Variants in STXBP4 observed in about 807,000 individuals in gnomAD.
The protein encoded by STXBP4 is syntaxin binding protein 4.
A neutral mutation model predicts 76.1 loss-of-function variants in STXBP4; 55 were observed. The ratio of observed to expected loss-of-function variants is 0.72; its 90% CI spans 0.58 to 0.91. The LOEUF (loss-of-function observed/expected upper bound fraction) is 0.91. Ranked by LOEUF, STXBP4 falls within the 40% of genes least tolerant of loss-of-function variation. The pLI is 0.00. For missense variants in STXBP4, 618 were observed against 636.9 expected (o/e 0.97, Z 0.32); for synonymous variants, 201 against 220.2 (o/e 0.91, Z 0.77).
chr17:55,193,827 A>AC, the STXBP4 span, among the ~76,000 whole-genome samples: 2 of 151,170 alleles, frequency 1.3e-5, no homozygotes, highest in African/African-American at 4.9e-5. Context: ...AAAAAAAAAA[A>AC]AAAAAAACGT....
intron 17 of STXBP4, among the ~76,000 whole-genome samples, chr17:55,143,872 C>T (rs762682758): frequency 1.3e-5 from 2 of 152,000 alleles, no homozygotes; most frequent in Non-Finnish European, 2.9e-5. Flanking sequence ...CCCAAAGGGC[C>T]ATAGTAGATC....
At chr17:55,011,611 A>G (rs2078114840) in intron 8 of STXBP4, among the ~76,000 whole-genome samples, 1 of 145,902 alleles carries the variant, frequency 6.9e-6, no homozygotes, top group Admixed American at 7.2e-5. Context: ...GCATGAGTTT[A>G]TATCCCGATC....
intron 12 of STXBP4, among the ~76,000 whole-genome samples, chr17:55,051,476 G>A (rs1462222800): frequency 5.9e-5 from 9 of 152,118 alleles, no homozygotes; most frequent in African/African-American, 2.2e-4. Flanking sequence ...TGTTTTAGTG[G>A]TGGGGCAAAG....
At chr17:55,206,640 T>A in the STXBP4 span, among the ~76,000 whole-genome samples, 1 of 151,952 alleles carries the variant, frequency 6.6e-6, no homozygotes, top group African/African-American at 2.4e-5. Flanking sequence ...GTGGATCACC[T>A]GAGGTCAGGA....
chr17:55,067,265 G>A (rs1335164554), intron 12 of STXBP4, among the ~76,000 whole-genome samples: 1 of 152,092 alleles, frequency 6.6e-6, no homozygotes, highest in Non-Finnish European at 1.5e-5. Context: ...TAGCAGTTAA[G>A]AGTACTAAAT....
At chr17:55,155,184 A>G (rs887328294) in intron 17 of STXBP4, among the ~76,000 whole-genome samples, 7 of 152,160 alleles carry the variant, frequency 4.6e-5, no homozygotes, top group African/African-American at 1.7e-4. Flanking sequence ...ATATTTTAGA[A>G]TAGATACTTC....
At position 55,142,454 on chromosome 17, in the gene STXBP4, C is replaced by T. The variant is rs563398162; in HGVS notation, c.1547+1087C>T. ...ATCCAGATTTTGGATTCTCATGCCC[C>T]GCAACTTTACACAGTTCCTACATCT... On this transcript the variant is annotated intron_variant, in intron 17 of 17. Transcript: ENST00000376352. 7.2e-5 allele frequency among the ~76,000 whole-genome samples: 11 copies of T among 152,240 alleles called. No homozygotes were observed. In the South Asian group the frequency reaches 2.1e-3, roughly 29 times the overall value.
chr17:55,140,172 G>C (rs896928560), intron 16 of STXBP4, among the ~76,000 whole-genome samples: 1 of 152,002 alleles, frequency 6.6e-6, no homozygotes, highest in Non-Finnish European at 1.5e-5. Flanking sequence ...GTCAGGAATG[G>C]TGGCACGTAC....
chr17:55,012,039 A>T (rs1474091497), intron 8 of STXBP4, among the ~76,000 whole-genome samples: 1 of 152,174 alleles, frequency 6.6e-6, no homozygotes, highest in East Asian at 1.9e-4. Context: ...TTAGTCATGG[A>T]CTGCATCAGG....
At chr17:55,013,223 G>A (rs2078144171) in intron 8 of STXBP4, among the ~76,000 whole-genome samples, 1 of 152,190 alleles carries the variant, frequency 6.6e-6, no homozygotes, top group South Asian at 2.1e-4. Flanking sequence ...TTGGACCTGT[G>A]TAAGGACTCC....
At chr17:55,116,047 G>A (rs756913757) in intron 16 of STXBP4, among the ~76,000 whole-genome samples, 4 of 151,688 alleles carry the variant, frequency 2.6e-5, no homozygotes, top group African/African-American at 4.8e-5. Flanking sequence ...TCTAGGGAGC[G>A]GTGCCTTATT....
chr17:55,199,661 AAG>A, the STXBP4 span, among the ~76,000 whole-genome samples: 1 of 152,194 alleles, frequency 6.6e-6, no homozygotes, highest in Non-Finnish European at 1.5e-5. Flanking sequence ...TTATATGTTC[AAG>A]TATGTTAAGG....
chr17:55,149,636 T>C (rs748714574), intron 17 of STXBP4, among the ~76,000 whole-genome samples: 2 of 152,190 alleles, frequency 1.3e-5, no homozygotes, highest in Non-Finnish European at 2.9e-5. Context: ...AAAATGACAG[T>C]ATTTACACAA....
rs2080359892 is a variant in STXBP4, at chr17:55,164,014, G to C, written c.*4103G>C. 1 of 152,592 alleles carries C rather than the reference G, an allele frequency of 6.6e-6. No homozygotes were observed. Among genetic ancestry groups the C allele is most frequent in the Non-Finnish European group, 1.5e-5 (1 of 68,026 alleles). The allele number at this position is 152,592 out of a possible 1,614,324, so 9.5% of individuals were successfully genotyped here. On this transcript the variant is annotated 3_prime_UTR_variant, in exon 18 of 18. Transcript: ENST00000376352. ...TCTGCTAAGTGAAATGCAACTTTTT[G>C]AAGAATCAACACGCTTGACATTTTT... is the stretch of plus-strand genomic sequence containing the variant.
At chr17:55,027,073 G>T (rs2144658841) in intron 8 of STXBP4, among the ~76,000 whole-genome samples, 1 of 152,252 alleles carries the variant, frequency 6.6e-6, no homozygotes, top group African/African-American at 2.4e-5. Flanking sequence ...GCTAGATGAG[G>T]CTTACTGCCA....
the STXBP4 span, among the ~76,000 whole-genome samples, chr17:55,199,451 TG>T: frequency 6.6e-6 from 1 of 152,244 alleles, no homozygotes. Flanking sequence ...TGAGAAGCCT[TG>T]GTCTGTTCTT....
chr17:55,140,039 CACA>C (rs1274262211), intron 16 of STXBP4, among the ~76,000 whole-genome samples: 9 of 152,006 alleles, frequency 5.9e-5, no homozygotes, highest in Non-Finnish European at 1.0e-4. Flanking sequence ...CACGGTGGCT[CACA>C]ACAATAATTC....
At chr17:54,968,838 G>A in intron 1 of STXBP4, 23 bp downstream of exon 1, 1 of 604,914 alleles carries the variant, frequency 1.7e-6, no homozygotes, top group African/African-American at 1.8e-5. Context: ...TTTGCTTTGT[G>A]ACTGTTACTC....
intron 16 of STXBP4, among the ~76,000 whole-genome samples, chr17:55,132,203 A>T (rs2079980485): frequency 6.6e-6 from 1 of 152,122 alleles, no homozygotes; most frequent in Admixed American, 6.6e-5. Context: ...TGTTATTATT[A>T]TTATTTGAGA....
Sources: gnomAD v4.1 joint callset for allele counts (sites outside exome capture counted in the v4.1 genomes callset) on GRCh38, gnomAD v4.1.1 for gene constraint, MANE v1.5 for transcripts, NCBI Gene and HGNC (gene_info 2026-07-23, HGNC 2026-07-21) for gene names.